KAZN: variants seen among roughly 807,000 people sequenced by gnomAD.
KAZN encodes kazrin.
In KAZN, 40 loss-of-function variants were observed where a neutral mutation model predicts 87.4. That is an observed-to-expected ratio of 0.46 (90% confidence interval 0.36 to 0.60). The LOEUF is 0.60. KAZN is among the 20% of genes least tolerant of loss of function. KAZN has a pLI of 0.00. For synonymous variants in KAZN, 466 were observed against 458.3 expected (o/e 1.02, Z -0.22); for missense variants, 898 against 1,073.9 (o/e 0.84, Z 2.29).
chr1:14,304,922 T>C (rs563972760), intron 2 of KAZN, among the ~76,000 whole-genome samples: 1 of 151,648 alleles, frequency 6.6e-6, no homozygotes, highest in Non-Finnish European at 1.5e-5. Context: ...AGAAGCATGA[T>C]TGCTCTGCAG....
At chr1:14,492,570 T>C (rs2148410535) in intron 2 of KAZN, among the ~76,000 whole-genome samples, 1 of 146,028 alleles carries the variant, frequency 6.8e-6, no homozygotes, top group East Asian at 2.1e-4. Flanking sequence ...GGGCCAGGAC[T>C]GCTGCCCTTT....
Position 14,023,266 on chromosome 1 carries a change from G to A in KAZN, c.91+129510G>A, listed in dbSNP as rs564032137. Among the ~76,000 whole-genome samples, 150 of 152,318 alleles carry A rather than the reference G, an allele frequency of 9.8e-4. 1 individual carries two copies. Among genetic ancestry groups the A allele is most frequent in the Middle Eastern group, 6.8e-3 (2 of 294 alleles). ...GAGCTTGGGAGGTCCAGACTGCAAT[G>A]AGGCAAGATTGCTCCACTGCGCTCC... On this transcript the variant is annotated intron_variant, in intron 1 of 16. Transcript: ENST00000636203.
At chr1:14,417,168 ACT>A (rs1421331638) in intron 2 of KAZN, among the ~76,000 whole-genome samples, 4 of 146,028 alleles carry the variant, frequency 2.7e-5, no homozygotes, top group Non-Finnish European at 4.5e-5. Context: ...ACAGAGCCAG[ACT>A]CTGTCTCAAA....
At chr1:14,187,421 A>G (rs530110770) in intron 2 of KAZN, among the ~76,000 whole-genome samples, 1 of 152,310 alleles carries the variant, frequency 6.6e-6, no homozygotes, top group African/African-American at 2.4e-5. Flanking sequence ...GTATTTAAAT[A>G]GAATAGGAAA....
At chr1:14,746,739 A>C (rs1021886305) in intron 1 of KAZN, among the ~76,000 whole-genome samples, 1 of 152,142 alleles carries the variant, frequency 6.6e-6, no homozygotes, top group Non-Finnish European at 1.5e-5. Flanking sequence ...TAGTCAGTGG[A>C]AAGTGGGGTG....
At chr1:14,579,465 A>T (rs1675394141) in intron 2 of KAZN, among the ~76,000 whole-genome samples, 1 of 151,870 alleles carries the variant, frequency 6.6e-6, no homozygotes, top group South Asian at 2.1e-4. Context: ...TTCTACTAAA[A>T]ATACAAAAAA....
chr1:14,383,941 C>A (rs994668942), intron 2 of KAZN, among the ~76,000 whole-genome samples: 7 of 151,980 alleles, frequency 4.6e-5, no homozygotes, highest in African/African-American at 1.7e-4. Context: ...TTCTTCCTAC[C>A]CATGAGCATG....
intron 1 of KAZN, among the ~76,000 whole-genome samples, chr1:14,721,177 A>G (rs1572315262): frequency 6.6e-6 from 1 of 152,306 alleles, no homozygotes; most frequent in East Asian, 1.9e-4. Flanking sequence ...TGTGGTTCCC[A>G]TAATCCCCAC....
At chr1:14,660,025 C>T (rs1639047926) in intron 1 of KAZN, among the ~76,000 whole-genome samples, 1 of 152,138 alleles carries the variant, frequency 6.6e-6, no homozygotes, top group Non-Finnish European at 1.5e-5. Context: ...GTTTAAGAAC[C>T]TGTTATTAAA....
At chr1:14,180,549 A>C in exon 2 of KAZN, 1 of 1,550,522 alleles carries the variant, frequency 6.4e-7, no homozygotes. Context: ...GAGACTCTGA[A>C]GAGTTCCATG....
At chr1:14,906,581 G>A (rs1656604748) in intron 1 of KAZN, among the ~76,000 whole-genome samples, 1 of 151,678 alleles carries the variant, frequency 6.6e-6, no homozygotes, top group Non-Finnish European at 1.5e-5. Context: ...GTGTAAAAGG[G>A]GCACGTTGAT....
chr1:14,786,371 A>G (rs1645508826), intron 1 of KAZN, among the ~76,000 whole-genome samples: 1 of 152,156 alleles, frequency 6.6e-6, no homozygotes, highest in Non-Finnish European at 1.5e-5. Flanking sequence ...GAGCAGCAGC[A>G]TGATTTTTGC....
chr1:14,361,648 T>C (rs543796594), intron 2 of KAZN, among the ~76,000 whole-genome samples: 2 of 152,316 alleles, frequency 1.3e-5, no homozygotes, highest in Admixed American at 1.3e-4. Context: ...TGGGCCAGAG[T>C]GCACCATGCC....
At chr1:14,925,342 G>T (rs1297684607) in intron 1 of KAZN, among the ~76,000 whole-genome samples, 1 of 152,210 alleles carries the variant, frequency 6.6e-6, no homozygotes, top group South Asian at 2.1e-4. Context: ...GCTTTTCTGA[G>T]AAGGGGCTGC....
chr1:14,259,221 G>A (rs1475958444), intron 2 of KAZN, among the ~76,000 whole-genome samples: 1 of 152,062 alleles, frequency 6.6e-6, no homozygotes, highest in Non-Finnish European at 1.5e-5. Context: ...AGAGTATGCT[G>A]GGAGCACGTG....
Position 14,963,445 on chromosome 1 carries a change from C to T in KAZN, c.418+2570C>T, listed in dbSNP as rs116672347. 1.9e-3 allele frequency among the ~76,000 whole-genome samples: 288 copies of T among 152,302 alleles called. 5 individuals carry two copies. The South Asian group carries it at 0.03, about 16-fold the overall frequency. The stretch of plus-strand genomic sequence containing the variant: ...GAGACTTTTTCCCACTGCACAGACA[C>T]GCCTCATCTTCCCTCTGGGTATGGT... On this transcript the variant is annotated intron_variant, in intron 2 of 14. Coordinates refer to ENST00000376030, the MANE Select transcript of KAZN (RefSeq NM_201628.3).
chr1:14,259,379 C>G (rs749661947), intron 2 of KAZN, among the ~76,000 whole-genome samples: 2 of 152,082 alleles, frequency 1.3e-5, no homozygotes, highest in African/African-American at 2.4e-5. Flanking sequence ...CCTGCTGTGC[C>G]GAGCTGGGAC....
chr1:13,913,046 T>C (rs1639710913), intron 1 of KAZN, among the ~76,000 whole-genome samples: 1 of 152,154 alleles, frequency 6.6e-6, no homozygotes, highest in Non-Finnish European at 1.5e-5. Flanking sequence ...TCCTTTATCA[T>C]CTTGCTGGAT....
chr1:13,922,553 C>CTT (rs2100906518), intron 1 of KAZN, among the ~76,000 whole-genome samples: 1 of 152,312 alleles, frequency 6.6e-6, no homozygotes, highest in Non-Finnish European at 1.5e-5. Flanking sequence ...GGCAGAGCTG[C>CTT]TTGTGCTTGC....
Sources: allele counts gnomAD v4.1 joint callset (sites outside exome capture counted in the v4.1 genomes callset), GRCh38; gene constraint gnomAD v4.1.1; transcripts MANE v1.5; gene names NCBI Gene and HGNC (gene_info 2026-07-23, HGNC 2026-07-21).